The following THSD4 variants were observed in gnomAD, a reference collection of about 807,000 sequenced individuals.
The protein encoded by THSD4 is thrombospondin type-1 domain-containing protein 4.
Under a neutral mutation model 119.0 loss-of-function variants are expected in THSD4, and 69 were observed. That is an observed-to-expected ratio of 0.58 (90% CI 0.48 to 0.71). The LOEUF (loss-of-function observed/expected upper bound fraction) is 0.71, where lower values mean the gene tolerates loss of function less well. THSD4 is among the 30% of genes least tolerant of loss of function. The pLI is 0.00. For synonymous variants in THSD4, 524 were observed against 540.4 expected, an observed-to-expected ratio of 0.97 and a Z score of 0.42; for missense variants, 1,393 against 1,391.1, an observed-to-expected ratio of 1.00 and a Z score of -0.02.
intron 7 of THSD4, among the ~76,000 whole-genome samples, chr15:71,554,531 G>C (rs2048988270): frequency 6.6e-6 from 1 of 152,176 alleles, no homozygotes; most frequent in Non-Finnish European, 1.5e-5. Flanking sequence ...TAGGACTACA[G>C]GCATGCGCCG....
At chr15:71,142,920 C>G (rs2040619135) in intron 2 of THSD4, among the ~76,000 whole-genome samples, 1 of 152,112 alleles carries the variant, frequency 6.6e-6, no homozygotes. Flanking sequence ...TATGATGGTG[C>G]CACAGGTGGT....
At chr15:71,368,106 C>T (rs544354437) in intron 6 of THSD4, among the ~76,000 whole-genome samples, 5 of 152,194 alleles carry the variant, frequency 3.3e-5, no homozygotes, top group African/African-American at 1.2e-4. Flanking sequence ...CTGTTCATAT[C>T]CTTCGCCCAC....
intron 7 of THSD4, among the ~76,000 whole-genome samples, chr15:71,514,308 A>G (rs768571310): frequency 6.6e-6 from 1 of 152,232 alleles, no homozygotes; most frequent in Admixed American, 6.5e-5. Flanking sequence ...AGGCCCTTCC[A>G]TCGTGGCCAC....
chr15:71,724,537 A>G (rs28419058), intron 8 of THSD4, among the ~76,000 whole-genome samples: 135,038 of 151,102 alleles, frequency 0.89, 62,069 homozygotes, highest in Non-Finnish European at 1. Context: ...CGCCAGCCTC[A>G]GCCTCCCAAA....
chr15:71,592,851 A>G (rs2049833395), intron 7 of THSD4, among the ~76,000 whole-genome samples: 1 of 152,072 alleles, frequency 6.6e-6, no homozygotes. Flanking sequence ...CACGGACCCC[A>G]TGCTGAGCTG....
At chr15:71,376,501 AC>A (rs2046138398) in intron 6 of THSD4, among the ~76,000 whole-genome samples, 1 of 151,978 alleles carries the variant, frequency 6.6e-6, no homozygotes, top group African/African-American at 2.4e-5. Flanking sequence ...CTGACTTGCA[AC>A]CTTTTTCTGG....
chr15:71,413,751 G>A (rs1392734224), intron 7 of THSD4, among the ~76,000 whole-genome samples: 1 of 152,208 alleles, frequency 6.6e-6, no homozygotes, highest in Non-Finnish European at 1.5e-5. Context: ...GTACAGAAGA[G>A]GCAGGAAACA....
intron 3 of THSD4, among the ~76,000 whole-genome samples, chr15:71,184,443 G>T (rs907146432): frequency 6.6e-6 from 1 of 151,730 alleles, no homozygotes; most frequent in African/African-American, 2.4e-5. Context: ...TTACACAGAT[G>T]GTTAACTTTG....
chr15:71,098,074 G>A (rs1424698644), intron 1 of THSD4, among the ~76,000 whole-genome samples: 1 of 151,956 alleles, frequency 6.6e-6, no homozygotes, highest in African/African-American at 2.4e-5. Flanking sequence ...CTCCAGATCT[G>A]TGAGCACACT....
In THSD4 at chr15:71,757,941, G is replaced by T. The variant is rs781075079; in HGVS notation, c.2455G>T (p.Val819Leu). ...ECGAGVRTRS[V>L]VCMTNHVSSL... is the part of the protein sequence containing the mutation. Reference sequence around the variant, plus strand: ...TGGGGCCGGAGTGCGGACACGCTCGGTGGTGTGCATGACCAACCATGTCAG... The same window carrying T: ...TGGGGCCGGAGTGCGGACACGCTCGTTGGTGTGCATGACCAACCATGTCAG... Residue 819 changes from valine (V) to leucine (L), a missense_variant, in exon 15 of 18, where the codon GTG becomes TTG. Transcript: ENST00000261862. 6.2e-7 allele frequency: 1 copy of T among 1,613,982 alleles called. No homozygotes were observed. Among genetic ancestry groups the T allele is most frequent in the Admixed American group, 1.7e-5 (1 of 60,032 alleles).
At chr15:71,761,102 C>G (rs2053620756) in intron 15 of THSD4, among the ~76,000 whole-genome samples, 1 of 152,100 alleles carries the variant, frequency 6.6e-6, no homozygotes, top group Non-Finnish European at 1.5e-5. Flanking sequence ...TCCCTACCAT[C>G]TTATTTTGTG....
chr15:71,627,201 G>C (rs2050526319), intron 7 of THSD4, among the ~76,000 whole-genome samples: 1 of 152,220 alleles, frequency 6.6e-6, no homozygotes, highest in Non-Finnish European at 1.5e-5. Context: ...GTGAAGGGGA[G>C]TTAAATGTTC....
intron 6 of THSD4, among the ~76,000 whole-genome samples, chr15:71,299,030 A>G (rs552224255): frequency 6.6e-5 from 10 of 152,256 alleles, no homozygotes; most frequent in South Asian, 4.1e-4. Context: ...CTGTTATTTC[A>G]TGAGTCTCTA....
chr15:71,112,835 A>C (rs1487437030), upstream of THSD4, among the ~76,000 whole-genome samples: 2 of 152,250 alleles, frequency 1.3e-5, no homozygotes, highest in African/African-American at 4.8e-5. Flanking sequence ...CTGTCTTAGC[A>C]TACTTAATAT....
At chr15:71,222,765 C>G (rs1458668880) in intron 4 of THSD4, among the ~76,000 whole-genome samples, 2 of 152,164 alleles carry the variant, frequency 1.3e-5, no homozygotes, top group African/African-American at 4.8e-5. Flanking sequence ...ACTTCAAGAG[C>G]AGTTTGTGGC....
At chr15:71,244,530 A>T (rs921900137) in intron 5 of THSD4, among the ~76,000 whole-genome samples, 4 of 152,204 alleles carry the variant, frequency 2.6e-5, no homozygotes, top group Non-Finnish European at 4.4e-5. Flanking sequence ...CCACTGTCAG[A>T]CTTCAGGAAT....
intron 6 of THSD4, among the ~76,000 whole-genome samples, chr15:71,355,752 G>A (rs1596361893): frequency 6.6e-6 from 1 of 152,178 alleles, no homozygotes; most frequent in African/African-American, 2.4e-5. Context: ...CTGCTGGCTT[G>A]ACTGCGTTTG....
At chr15:71,745,283 G>A in intron 12 of THSD4, 48 bp downstream of exon 12, 2 of 1,608,054 alleles carry the variant, frequency 1.2e-6, no homozygotes, top group Non-Finnish European at 1.7e-6. Context: ...GTCACTTCAG[G>A]TCACTTATGC....
At chr15:71,264,646 A>G (rs1182941239) in intron 6 of THSD4, among the ~76,000 whole-genome samples, 1 of 152,228 alleles carries the variant, frequency 6.6e-6, no homozygotes, top group Non-Finnish European at 1.5e-5. Context: ...TGGTGAGATT[A>G]GTGGATAAGA....
Sources: allele counts gnomAD v4.1 joint callset (sites outside exome capture counted in the v4.1 genomes callset), GRCh38; gene constraint gnomAD v4.1.1; transcripts MANE v1.5; gene names NCBI Gene and HGNC (gene_info 2026-07-23, HGNC 2026-07-21).